LRP1: variants seen among roughly 807,000 people sequenced by gnomAD.
LRP1 encodes the protein prolow-density lipoprotein receptor-related protein 1.
A neutral mutation model predicts 541.5 loss-of-function variants in LRP1; 51 were observed. That is an observed-to-expected ratio of 0.09 (90% CI 0.08 to 0.12). The LOEUF is 0.12. Ranked by LOEUF, LRP1 falls within the 10% of genes least tolerant of loss-of-function variation. The pLI is 1.00. For missense variants in LRP1, 3,878 were observed against 6,376.2 expected (o/e 0.61, Z 13.34); for synonymous variants, 2,219 against 2,470.8 (o/e 0.90, Z 3.02).
chr12:57,206,545 C>G lies in LRP1; in HGVS notation c.11663C>G (p.Ser3888Trp). 6.2e-7 allele frequency: 1 copy of G among 1,614,172 alleles called. No homozygotes were observed. Among genetic ancestry groups the G allele is most frequent in the Non-Finnish European group, 8.5e-7 (1 of 1,180,044 alleles). ...AGCCTGTTCCCCGGCCACCCCCATT[C>G]GGCTTACGAGCAGGCATTCCAGGGT... is the stretch of plus-strand genomic sequence containing the variant. Reference protein sequence around the residue: ...IRSLFPGHPHSAYEQAFQGDE... With the variant: ...IRSLFPGHPHWAYEQAFQGDE... Residue 3888 changes from serine (S) to tryptophan (W), a missense_variant, in exon 76 of 89, where the codon TCG (serine) becomes TGG (tryptophan). By Grantham distance (177) the Ser-to-Trp change is radical. Around this residue, in one of 13 missense-constraint regions of LRP1, gnomAD observed 871 missense variants for 1,212.4 expected, o/e 0.72. Transcript: ENST00000243077. This position sits in a 1 kb window ranked among gnomAD's most constrained non-coding sequence, Gnocchi z 4.7.
chr12:57,140,711 C>T (rs116498697), intron 2 of LRP1, among the ~76,000 whole-genome samples: 1 of 152,104 alleles, frequency 6.6e-6, no homozygotes, highest in African/African-American at 2.4e-5. Flanking sequence ...GACCCTGCTT[C>T]CCTCAGCTCA....
chr12:57,189,929 T>C lies in LRP1; in HGVS notation c.7032-876T>C, dbSNP rs548800655. ...AATGCCGGTGGTCCAAGGACCACTC[T>C]GTCACACCCAGGGTAGTGCATGACC... On this transcript the variant is annotated intron_variant, in intron 42 of 88. Coordinates refer to ENST00000243077, the MANE Select transcript of LRP1 (RefSeq NM_002332.3). The surrounding 1 kb of genome is among the most constrained non-coding windows in gnomAD (Gnocchi z 4.4). 1.3e-5 allele frequency among the ~76,000 whole-genome samples: 2 copies of C among 152,180 alleles called. No individual in the cohort carries two copies. Among genetic ancestry groups the C allele is most frequent in the Non-Finnish European group, 2.9e-5 (2 of 67,984 alleles).
intron 6 of LRP1, chr12:57,148,999 C>G: frequency 3.0e-6 from 2 of 667,532 alleles, no homozygotes; most frequent in Non-Finnish European, 5.4e-6. Context: ...TTTTCGAAAT[C>G]ACAACAGGAA....
Position 57,145,270 on chromosome 12 carries a change from G to C in LRP1, c.621G>C (p.Gln207His). ...CTGTGCTGTTGATAGCCAACTCCCA[G>C]AACATCTTGGCCACGTACCTGAGTG... is the stretch of plus-strand genomic sequence containing the variant. The part of the protein sequence containing the change: ...RPPVLLIANS[Q>H]NILATYLSGA... The change falls in exon 6 of 89, where the codon CAG (glutamine) becomes CAC (histidine). Residue 207 changes from glutamine (Q) to histidine (H), a missense_variant. Gln to His is a conservative substitution (Grantham distance 24, BLOSUM62 0). Around this residue, in one of 13 missense-constraint regions of LRP1, gnomAD observed 293 missense variants for 403.7 expected, o/e 0.73. Coordinates refer to ENST00000243077, the MANE Select transcript of LRP1 (RefSeq NM_002332.3). 2 of 1,614,136 alleles carry C rather than the reference G, an allele frequency of 1.2e-6. No homozygotes were observed. Among genetic ancestry groups the C allele is most frequent in the Non-Finnish European group, 8.5e-7 (1 of 1,180,028 alleles).
chr12:57,185,699 G>C lies in LRP1; in HGVS notation c.6632G>C (p.Ser2211Thr). ...TACTCAGAGCGCACCATTCTCAAGA[G>C]TATCCACCTGTCGGATGAGCGCAAC... ...LLYSERTILK[S>T]IHLSDERNLN... Residue 2211 changes from serine to threonine, a missense_variant, in exon 41 of 89, where the codon AGT becomes ACT. Physicochemically the swap from Ser to Thr is moderately conservative, Grantham distance 58. Coordinates refer to ENST00000243077, the MANE Select transcript of LRP1 (RefSeq NM_002332.3). The surrounding 1 kb of genome is among the most constrained non-coding windows in gnomAD (Gnocchi z 4.9). 6.2e-7 allele frequency: 1 copy of C among 1,614,156 alleles called. No individual in the cohort carries two copies. The highest frequency in any genetic ancestry group is 1.1e-5 in the South Asian group (1 of 91,090).
rs768501037 is a variant in LRP1, at chr12:57,185,718, G to A, written c.6651G>A (p.Glu2217=). 6.2e-7 allele frequency: 1 copy of A among 1,614,196 alleles called. No homozygotes were observed. The highest frequency in any genetic ancestry group is 1.1e-5 in the South Asian group (1 of 91,084). Residue 2217 remains glutamate (E), a synonymous_variant, in exon 41 of 89, where the codon GAG becomes GAA. Coordinates refer to ENST00000243077, the MANE Select transcript of LRP1 (RefSeq NM_002332.3). This position sits in a 1 kb window ranked among gnomAD's most constrained non-coding sequence, Gnocchi z 4.9. ...TCAAGAGTATCCACCTGTCGGATGA[G>A]CGCAACCTCAATGCGCCCGTGCAGC... ...TILKSIHLSD[E]RNLNAPVQPF...
Position 57,179,537 on chromosome 12 carries a change from G to A in LRP1, c.4947G>A (p.Val1649=). ...IKRAFINGTG[V]ETVVSADLPN... ...GGGCCTTCATCAACGGCACAGGCGT[G>A]GAGACAGTCGTCTCTGCAGGTTCTT... The change falls in exon 29 of 89, where the codon GTG becomes GTA. Residue 1649 remains valine, a synonymous_variant. Coordinates refer to ENST00000243077, the MANE Select transcript of LRP1 (RefSeq NM_002332.3). The surrounding 1 kb of genome is among the most constrained non-coding windows in gnomAD (Gnocchi z 6.8). 1 of 1,614,060 alleles carries A rather than the reference G, an allele frequency of 6.2e-7. No homozygotes were observed. Among genetic ancestry groups the A allele is most frequent in the Non-Finnish European group, 8.5e-7 (1 of 1,179,970 alleles).
rs766183852 is a variant in LRP1 at position 57,212,654 on chromosome 12, C to A, written c.*99C>A. ...CCAGCCAGCCCTTCCCTGGCCCCGC[C>A]GGATGTATAAATGTAAAAATGAAGG... On this transcript the variant is annotated 3_prime_UTR_variant, in exon 89 of 89. Transcript: ENST00000243077. The surrounding 1 kb of genome is among the most constrained non-coding windows in gnomAD (Gnocchi z 5.0). The A allele has an allele frequency of 2.4e-6, 3 of 1,236,232 alleles. No homozygotes were observed. The highest frequency in any genetic ancestry group is 3.3e-6 in the Non-Finnish European group (3 of 897,040). 76.6% of individuals were successfully genotyped at this position (1,236,232 alleles called of 1,614,324 possible). A position where few individuals can be genotyped will look rare whatever the true frequency, so the allele number is the denominator to read the frequency against.
intron 10 of LRP1, among the ~76,000 whole-genome samples, chr12:57,157,896 A>G (rs1349090563): frequency 1.3e-5 from 2 of 152,240 alleles, no homozygotes; most frequent in African/African-American, 4.8e-5. Context: ...TATCTGGGAT[A>G]GGAAGCTCAT....
In LRP1 at chr12:57,184,191, C is replaced by T. The variant is rs754229756; in HGVS notation, c.6036C>T (p.Ala2012=). 3.1e-6 allele frequency: 5 copies of T among 1,613,958 alleles called. No homozygotes were observed. Among genetic ancestry groups the T allele is most frequent in the African/African-American group, 1.3e-5 (1 of 74,930 alleles). The change falls in exon 37 of 89, where the codon GCC becomes GCT. Residue 2012 remains alanine (A), a synonymous_variant. Transcript: ENST00000243077. This position sits in a 1 kb window ranked among gnomAD's most constrained non-coding sequence, Gnocchi z 7.8. ...VISQGLDKPR[A]ITVHPEKGYL... is the part of the protein sequence containing the mutation. ...CCCAGGGTCTAGACAAGCCCCGGGC[C>T]ATCACCGTCCACCCGGAGAAAGGGT...
rs755781351 is a variant in LRP1, at chr12:57,203,168, C to A, written c.10712-13C>A. 14 of 1,555,636 alleles carry A rather than the reference C, an allele frequency of 9.0e-6. No homozygotes were observed. In the African/African-American group the frequency reaches 1.5e-4, roughly 17 times the overall value. On this transcript the variant is annotated splice_polypyrimidine_tract_variant and intron_variant, in intron 68 of 88. Transcript: ENST00000243077. ...CCCACCCTCCTGGGCCTGTCTCCCCCTGTCCTTCCCAGCCCCTCGGCCCTG... is the reference window on the plus strand; with the variant it reads ...CCCACCCTCCTGGGCCTGTCTCCCCATGTCCTTCCCAGCCCCTCGGCCCTG...
chr12:57,161,190 TG>T lies in LRP1; in HGVS notation c.2202+76del, dbSNP rs34394844. 1,578 of 1,399,668 alleles carry T rather than the reference TG, an allele frequency of 1.1e-3. 11 individuals are homozygous for T. In the African/African-American group the frequency reaches 0.019, roughly 17 times the overall value. The allele number at this position is 1,399,668 out of a possible 1,614,324, so 86.7% of individuals were successfully genotyped here. A position where few individuals can be genotyped will look rare whatever the true frequency, so the allele number is the denominator to read the frequency against. On this transcript the variant is annotated intron_variant, in intron 13 of 88. Coordinates refer to ENST00000243077, the MANE Select transcript of LRP1 (RefSeq NM_002332.3). ...ATGCTTGGGCGTGGATGAGGTTCTGTGTGAGTATGTGGGTATCTGTGTGTGT... is the reference window on the plus strand; with the variant it reads ...ATGCTTGGGCGTGGATGAGGTTCTGTTGAGTATGTGGGTATCTGTGTGTGT...
At chr12:57,138,657 G>A (rs1195668663) in intron 2 of LRP1, 76 bp downstream of exon 2, 2 of 1,574,080 alleles carry the variant, frequency 1.3e-6, no homozygotes, top group Non-Finnish European at 1.7e-6. Context: ...TTGGGAGGAG[G>A]ACAGCTGATC....
intron 6 of LRP1, chr12:57,149,714 G>A: frequency 1.4e-6 from 1 of 734,820 alleles, no homozygotes; most frequent in Non-Finnish European, 2.5e-6. Context: ...AGAACGAGGT[G>A]ACACAACACG....
At position 57,197,219 on chromosome 12, in the gene LRP1, G is replaced by A. The variant is rs1286671649; in HGVS notation, c.9076+54G>A. On this transcript the variant is annotated intron_variant, in intron 56 of 88. Coordinates refer to ENST00000243077, the MANE Select transcript of LRP1 (RefSeq NM_002332.3). This position sits in a 1 kb window ranked among gnomAD's most constrained non-coding sequence, Gnocchi z 4.5. ...TGACCCAGGCTGTGTGGGACTGCCC[G>A]GGTGGCAGAGCTCCAGACAGGCAGG... 17 of 1,612,766 alleles carry A rather than the reference G, an allele frequency of 1.1e-5. No individual in the cohort carries two copies. Among genetic ancestry groups the A allele is most frequent in the Middle Eastern group, 3.3e-4 (2 of 6,084 alleles).
intron 8 of LRP1, chr12:57,155,076 G>C: frequency 2.0e-6 from 1 of 494,414 alleles, no homozygotes. Context: ...ACTGGAACTT[G>C]TTCTAGAAGC....
intron 24 of LRP1, 31 bp downstream of exon 24, chr12:57,176,137 A>G (rs760442518): frequency 6.2e-7 from 1 of 1,611,494 alleles, no homozygotes; most frequent in South Asian, 1.1e-5. Context: ...GGCAGGATGC[A>G]CACAGGCGGA....
chr12:57,156,078 T>G lies in LRP1; in HGVS notation c.1228-16T>G, dbSNP rs748715537. 2 of 1,610,524 alleles carry G rather than the reference T, an allele frequency of 1.2e-6. No individual in the cohort carries two copies. Among genetic ancestry groups the G allele is most frequent in the Middle Eastern group, 1.7e-4 (1 of 6,052 alleles). The stretch of plus-strand genomic sequence containing the variant: ...CCTGTCATCTCATGCTGTCCATTCT[T>G]GCCTGCCCGTCTCAGATTGAGCACC... On this transcript the variant is annotated splice_polypyrimidine_tract_variant and intron_variant, in intron 8 of 88. Coordinates refer to ENST00000243077, the MANE Select transcript of LRP1 (RefSeq NM_002332.3). This position sits in a 1 kb window ranked among gnomAD's most constrained non-coding sequence, Gnocchi z 5.2.
In LRP1 at chr12:57,205,542, T is replaced by A. The variant is rs1397749155; in HGVS notation, c.11471-16T>A. The A allele has an allele frequency of 2.5e-5, 41 of 1,613,688 alleles. No individual in the cohort carries two copies. Among genetic ancestry groups the A allele is most frequent in the Non-Finnish European group, 3.5e-5 (41 of 1,179,960 alleles). On this transcript the variant is annotated splice_polypyrimidine_tract_variant and intron_variant, in intron 74 of 88. Coordinates refer to ENST00000243077, the MANE Select transcript of LRP1 (RefSeq NM_002332.3). This position sits in a 1 kb window ranked among gnomAD's most constrained non-coding sequence, Gnocchi z 4.6. ...CCCCAACTGTGGACTCTCATGACCC[T>A]CCCTGTAACCCTTAGACATCAACGA... is the stretch of plus-strand genomic sequence containing the variant.
Sources: gnomAD v4.1 joint callset for allele counts (sites outside exome capture counted in the v4.1 genomes callset) on GRCh38, gnomAD v4.1.1 for gene constraint, gnomAD v4.1.1 regional missense constraint, Gnocchi (gnomAD v3.1) non-coding constraint, MANE v1.5 for transcripts, NCBI Gene and HGNC (gene_info 2026-07-23, HGNC 2026-07-21) for gene names.